AKAP6: variants seen among roughly 807,000 people sequenced by gnomAD.
The protein encoded by AKAP6 is A-kinase anchor protein 6.
Under a neutral mutation model 188.5 loss-of-function variants are expected in AKAP6, and 58 were observed. The ratio of observed to expected loss-of-function variants is 0.31; its 90% CI spans 0.25 to 0.38. AKAP6 has a LOEUF of 0.38. Among genes scored for constraint, AKAP6 ranks in the 10% least tolerant of loss-of-function variants. AKAP6 has a pLI of 1.00. For synonymous variants in AKAP6, 989 were observed against 998.6 expected (o/e 0.99, Z 0.18); for missense variants, 2,710 against 2,740.0 (o/e 0.99, Z 0.24).
At chr14:32,541,050 A>G (rs1435984570) in intron 3 of AKAP6, among the ~76,000 whole-genome samples, 3 of 152,096 alleles carry the variant, frequency 2.0e-5, no homozygotes, top group Non-Finnish European at 4.4e-5. Context: ...CTGTTCCCCG[A>G]TAACCTATGG....
rs149126194 is a variant in AKAP6 at position 32,611,216 on chromosome 14, A to G, written c.2730+10424A>G. 2.9e-3 allele frequency among the ~76,000 whole-genome samples: 444 copies of G among 152,328 alleles called. 3 individuals are homozygous for G. The highest frequency in any genetic ancestry group is 9.9e-3 in the African/African-American group (413 of 41,590). On this transcript the variant is annotated intron_variant, in intron 7 of 13. Coordinates refer to ENST00000280979, the MANE Select transcript of AKAP6 (RefSeq NM_004274.5). ...GAGCAGTTAGGAGAATGGTATTACC[A>G]TTAACTGAGGTTGGACACATTATGA...
chr14:32,567,535 T>C (rs1187260946), intron 4 of AKAP6, among the ~76,000 whole-genome samples: 1 of 152,216 alleles, frequency 6.6e-6, no homozygotes. Flanking sequence ...AATTCCAATT[T>C]TTTTTCTAAA....
chr14:32,745,081 G>C (rs2031838956), intron 11 of AKAP6, among the ~76,000 whole-genome samples: 1 of 152,082 alleles, frequency 6.6e-6, no homozygotes, highest in African/African-American at 2.4e-5. Context: ...ACATATCTCT[G>C]TTTCTCCTGG....
At chr14:32,736,616 G>C (rs760074553) in intron 11 of AKAP6, among the ~76,000 whole-genome samples, 4 of 152,142 alleles carry the variant, frequency 2.6e-5, no homozygotes, top group Non-Finnish European at 5.9e-5. Context: ...CTTTGGGGTT[G>C]CAGAATTTGA....
intron 13 of AKAP6, among the ~76,000 whole-genome samples, chr14:32,826,640 C>T (rs1481752539): frequency 1.3e-5 from 2 of 152,156 alleles, no homozygotes; most frequent in South Asian, 4.1e-4. Context: ...GAAGCCTTTG[C>T]GAAGCACTCT....
At chr14:32,828,525 TCTCTCA>T (rs1468260011) in intron 13 of AKAP6, among the ~76,000 whole-genome samples, 218 of 96,830 alleles carry the variant, frequency 2.3e-3, no homozygotes, top group African/African-American at 6.6e-3. Context: ...TCTCTCTCTC[TCTCTCA>T]CACACACACA....
At chr14:32,463,604 T>A (rs1878214040) in intron 2 of AKAP6, among the ~76,000 whole-genome samples, 1 of 152,194 alleles carries the variant, frequency 6.6e-6, no homozygotes, top group East Asian at 1.9e-4. Context: ...TAAAGCAGTG[T>A]TTAGAGGGAA....
At chr14:32,702,811 A>C (rs538737522) in intron 9 of AKAP6, among the ~76,000 whole-genome samples, 2 of 152,260 alleles carry the variant, frequency 1.3e-5, no homozygotes. Flanking sequence ...ACTTCTAGAC[A>C]GCCCTGTCGT....
intron 2 of AKAP6, among the ~76,000 whole-genome samples, chr14:32,532,595 A>G (rs1199353799): frequency 1.3e-5 from 2 of 152,216 alleles, no homozygotes; most frequent in South Asian, 2.1e-4. Flanking sequence ...CCAAGTCTCT[A>G]TGTAACATTT....
intron 11 of AKAP6, among the ~76,000 whole-genome samples, chr14:32,752,525 T>C (rs1188040801): frequency 6.6e-6 from 1 of 152,168 alleles, no homozygotes; most frequent in Non-Finnish European, 1.5e-5. Context: ...GAATTGAACA[T>C]ATTTACAGTG....
intron 2 of AKAP6, among the ~76,000 whole-genome samples, chr14:32,506,241 A>G (rs1283494883): frequency 6.6e-6 from 1 of 152,224 alleles, no homozygotes; most frequent in East Asian, 1.9e-4. Flanking sequence ...TTATTGATAT[A>G]GCTAAACAAG....
intron 2 of AKAP6, among the ~76,000 whole-genome samples, chr14:32,459,741 A>ATTT (rs71432056): frequency 1.5e-3 from 227 of 147,632 alleles, no homozygotes; most frequent in Non-Finnish European, 1.9e-3. Context: ...TTGTCAACTG[A>ATTT]TTTTTTTTTT....
intron 4 of AKAP6, among the ~76,000 whole-genome samples, chr14:32,572,872 C>T (rs577464356): frequency 1.3e-5 from 2 of 152,280 alleles, no homozygotes; most frequent in South Asian, 4.1e-4. Context: ...ATGCTGACAA[C>T]CACTGGTAGG....
At position 32,834,688 on chromosome 14, in the gene AKAP6, T is replaced by C. The variant is rs1057156940; in HGVS notation, c.*4883T>C. Reference sequence around the variant, plus strand: ...GATGGGTCTAGTTGTTTTCTCATTGTTAAACTCAGGGTAAACTTTTTTTTG... The same window carrying C: ...GATGGGTCTAGTTGTTTTCTCATTGCTAAACTCAGGGTAAACTTTTTTTTG... On this transcript the variant is annotated 3_prime_UTR_variant, in exon 14 of 14. Coordinates refer to ENST00000280979, the MANE Select transcript of AKAP6 (RefSeq NM_004274.5). 8.5e-5 allele frequency: 13 copies of C among 152,156 alleles called. No individual in the cohort carries two copies. Among genetic ancestry groups the C allele is most frequent in the African/African-American group, 2.7e-4 (11 of 41,432 alleles). The allele number at this position is 152,156 out of a possible 1,614,324, so 9.4% of individuals were successfully genotyped here.
chr14:32,807,080 ATAT>A (rs1566725555), intron 12 of AKAP6, among the ~76,000 whole-genome samples: 1 of 151,344 alleles, frequency 6.6e-6, no homozygotes, highest in East Asian at 1.9e-4. Context: ...ATATATATAT[ATAT>A]ATATAAAATC....
chr14:32,372,754 A>G (rs978716841), intron 1 of AKAP6, among the ~76,000 whole-genome samples: 13 of 136,558 alleles, frequency 9.5e-5, no homozygotes, highest in Non-Finnish European at 2.0e-4. Flanking sequence ...TTTTACCTCT[A>G]CATCTTTTTG....
intron 9 of AKAP6, among the ~76,000 whole-genome samples, chr14:32,708,411 G>GAGAGAT (rs1890904054): frequency 6.6e-6 from 1 of 151,346 alleles, no homozygotes. Flanking sequence ...AAGAGAGAGA[G>GAGAGAT]AGAGAATGAG....
intron 9 of AKAP6, among the ~76,000 whole-genome samples, chr14:32,725,003 A>C (rs1219204966): frequency 1.3e-5 from 2 of 149,018 alleles, no homozygotes; most frequent in East Asian, 2.0e-4. Flanking sequence ...AAAAAAAAAA[A>C]AAAAAAAAAA....
chr14:32,823,183 C>G lies in AKAP6; in HGVS notation c.5370C>G (p.Thr1790=). 1 of 1,613,692 alleles carries G rather than the reference C, an allele frequency of 6.2e-7. No homozygotes were observed. Residue 1790 remains threonine, a synonymous_variant, in exon 13 of 14, where the codon ACC becomes ACG. Transcript: ENST00000280979. ...ATDDEIYEDC[T]LMSGLDYIKN... is the part of the protein sequence containing the mutation. The stretch of plus-strand genomic sequence containing the variant: ...ATGATGAAATTTATGAAGACTGCAC[C>G]TTGATGTCAGGGCTAGACTACATAA...
Sources: gnomAD v4.1 joint callset for allele counts (sites outside exome capture counted in the v4.1 genomes callset) on GRCh38, gnomAD v4.1.1 for gene constraint, MANE v1.5 for transcripts, NCBI Gene and HGNC (gene_info 2026-07-23, HGNC 2026-07-21) for gene names.